Variants in MPDZ observed in about 807,000 individuals in gnomAD.
MPDZ encodes multiple PDZ domain crumbs cell polarity complex component, also known as multiple PDZ domain protein.
In MPDZ, 234 loss-of-function variants were observed where a neutral mutation model predicts 239.1. The observed-to-expected ratio is 0.98, with a 90% CI of 0.88 to 1.09. The LOEUF (loss-of-function observed/expected upper bound fraction) is 1.09. Among genes scored for constraint, MPDZ ranks in the 50% least tolerant of loss-of-function variants. MPDZ has a pLI of 0.00. For synonymous variants in MPDZ, 1,048 were observed against 881.3 expected (o/e 1.19, Z -3.35); for missense variants, 3,175 against 2,510.0 (o/e 1.26, Z -5.66).
chr9:13,278,467 G>A (rs1050065595), intron 1 of MPDZ, among the ~76,000 whole-genome samples: 1 of 152,124 alleles, frequency 6.6e-6, no homozygotes, highest in African/African-American at 2.4e-5. Context: ...TGATTTCCAT[G>A]TGACTGCAGG....
intron 5 of MPDZ, 34 bp from the exon 6 acceptor site, chr9:13,222,480 C>A: frequency 6.5e-7 from 1 of 1,527,480 alleles, no homozygotes; most frequent in Non-Finnish European, 9.1e-7. Flanking sequence ...AAAAGACAAT[C>A]TGAGAGTTCT....
intron 32 of MPDZ, among the ~76,000 whole-genome samples, chr9:13,132,163 T>C (rs563329661): frequency 2.6e-5 from 4 of 152,262 alleles, no homozygotes; most frequent in East Asian, 3.9e-4. Context: ...GTACACATAA[T>C]AGACATCTGC....
At chr9:13,249,570 C>A (rs1042751394) in intron 2 of MPDZ, among the ~76,000 whole-genome samples, 1 of 152,102 alleles carries the variant, frequency 6.6e-6, no homozygotes, top group African/African-American at 2.4e-5. Context: ...TCAAAACCCA[C>A]CGACATCAAG....
chr9:13,174,281 A>G (rs190855654), intron 21 of MPDZ, among the ~76,000 whole-genome samples: 11 of 152,228 alleles, frequency 7.2e-5, no homozygotes, highest in Admixed American at 2.6e-4. Context: ...TTAAATGTCA[A>G]TTAGCTTACT....
At position 13,112,975 on chromosome 9, in the gene MPDZ, C is replaced by T. The variant is rs368364908; in HGVS notation, c.5601+36G>A. ...ACACATATGAAGATGTCTCTTAAAA[C>T]GCCAGGGTTTATATTGTTTTCTCTC... On this transcript the variant is annotated intron_variant, in intron 42 of 46. Transcript: ENST00000319217. 152 of 1,549,236 alleles carry T rather than the reference C, an allele frequency of 9.8e-5. 1 individual carries two copies. The South Asian group carries it at 1.1e-3, about 12-fold the overall frequency.
At chr9:13,207,400 C>T (rs79916569) in intron 10 of MPDZ, among the ~76,000 whole-genome samples, 1,883 of 152,246 alleles carry the variant, frequency 0.012, 26 homozygotes, top group Middle Eastern at 0.051. Context: ...ATGATGCTGT[C>T]CATTACTCTC....
At chr9:13,202,088 TG>T (rs1048624449) in intron 12 of MPDZ, among the ~76,000 whole-genome samples, 7 of 152,172 alleles carry the variant, frequency 4.6e-5, no homozygotes, top group Non-Finnish European at 1.0e-4. Context: ...TTCCAGTTTT[TG>T]CAAGTGCTCT....
intron 24 of MPDZ, among the ~76,000 whole-genome samples, 166 bp downstream of exon 24, chr9:13,157,852 C>A (rs1050556997): frequency 1.3e-5 from 2 of 152,130 alleles, no homozygotes; most frequent in Non-Finnish European, 2.9e-5. Flanking sequence ...GTGTGATACA[C>A]ATTATTCTCT....
At chr9:13,110,606 T>C in intron 44 of MPDZ, 30 bp downstream of exon 44, 1 of 1,530,580 alleles carries the variant, frequency 6.5e-7, no homozygotes, top group Non-Finnish European at 9.0e-7. Context: ...CTACCTATAT[T>C]CTGAATTATG....
chr9:13,199,614 T>A (rs966527766), intron 12 of MPDZ, among the ~76,000 whole-genome samples: 3 of 152,008 alleles, frequency 2.0e-5, no homozygotes, highest in Non-Finnish European at 4.4e-5. Flanking sequence ...CTTTTCTCTG[T>A]TCGGTATATT....
intron 3 of MPDZ, among the ~76,000 whole-genome samples, chr9:13,243,782 T>A (rs1380574537): frequency 6.6e-6 from 1 of 152,104 alleles, no homozygotes; most frequent in Non-Finnish European, 1.5e-5. Context: ...CGCATCTAGA[T>A]GATATATGTG....
At chr9:13,193,557 A>C (rs1270474975) in intron 13 of MPDZ, among the ~76,000 whole-genome samples, 1 of 152,130 alleles carries the variant, frequency 6.6e-6, no homozygotes, top group Non-Finnish European at 1.5e-5. Flanking sequence ...CATAGGTCTC[A>C]TCTGTTTCTC....
At position 13,109,035 on chromosome 9, in the gene MPDZ, T is replaced by C. The variant is rs1941966007; in HGVS notation, c.5967A>G (p.Thr1989=). The change falls in exon 46 of 47, where the codon ACA becomes ACG. Residue 1989 remains threonine (T), a synonymous_variant. Coordinates refer to ENST00000319217, the MANE Select transcript of MPDZ (RefSeq NM_001378778.1). Reference sequence around the variant, plus strand: ...CTAAGCCATCTGGTCCTCGCTCTAGTGTAATAGACTTACATTGAGGAGGTC... The same window carrying C: ...CTAAGCCATCTGGTCCTCGCTCTAGCGTAATAGACTTACATTGAGGAGGTC... The part of the protein sequence containing the change: ...DLGPPQCKSI[T]LERGPDGLGF... 1.9e-6 allele frequency: 3 copies of C among 1,554,614 alleles called. No individual in the cohort carries two copies. Among genetic ancestry groups the C allele is most frequent in the Non-Finnish European group, 2.6e-6 (3 of 1,147,406 alleles).
rs146599586 is a variant in MPDZ at position 13,216,372 on chromosome 9, A to G, written c.1290+402T>C. Among the ~76,000 whole-genome samples, 706 of 150,516 alleles carry G rather than the reference A, an allele frequency of 4.7e-3. 5 individuals are homozygous for G. The highest frequency in any genetic ancestry group is 0.015 in the African/African-American group (627 of 41,102). On this transcript the variant is annotated intron_variant, in intron 10 of 46. Coordinates refer to ENST00000319217, the MANE Select transcript of MPDZ (RefSeq NM_001378778.1). Reference sequence around the variant, plus strand: ...CCATAAAGCCAACAATAACAGTATCATTCTGCTGATTAAAAAAAAAAAAAC... The same window carrying G: ...CCATAAAGCCAACAATAACAGTATCGTTCTGCTGATTAAAAAAAAAAAAAC...
Position 13,223,630 on chromosome 9 carries a change from T to G in MPDZ, c.474A>C (p.Glu158Asp). 1 of 1,612,576 alleles carries G rather than the reference T, an allele frequency of 6.2e-7. No individual in the cohort carries two copies. The highest frequency in any genetic ancestry group is 8.5e-7 in the Non-Finnish European group (1 of 1,179,092). Residue 158 changes from glutamate to aspartate, a missense_variant, in exon 5 of 47, where the codon GAA becomes GAC. Glu to Asp is a conservative substitution (Grantham distance 45). Transcript: ENST00000319217. ...LGFSVVGLRSENRGELGIFVQ... is the reference protein window; with the variant it reads ...LGFSVVGLRSDNRGELGIFVQ... ...CAAATATTCCCAGCTCTCCTCTGTTTTCACTTCTTAGTCCCACAACACTAA... is the reference window on the plus strand; with the variant it reads ...CAAATATTCCCAGCTCTCCTCTGTTGTCACTTCTTAGTCCCACAACACTAA...
In MPDZ at chr9:13,176,426, T is replaced by C. The variant is rs963807818; in HGVS notation, c.2650-9A>G. 6.5e-7 allele frequency: 1 copy of C among 1,526,898 alleles called. No individual in the cohort carries two copies. The highest frequency in any genetic ancestry group is 1.4e-5 in the African/African-American group (1 of 72,514). 94.6% of individuals were successfully genotyped at this position (1,526,898 alleles called of 1,614,324 possible). ...GAATTTTCAATAACATCCTGGTAGT[T>C]AAAAAACAACAACAACAAAACATGA... On this transcript the variant is annotated splice_polypyrimidine_tract_variant and intron_variant, in intron 19 of 46. Transcript: ENST00000319217.
chr9:13,144,628 G>T (rs1948192887), intron 26 of MPDZ, among the ~76,000 whole-genome samples: 1 of 152,068 alleles, frequency 6.6e-6, no homozygotes, highest in Non-Finnish European at 1.5e-5. Context: ...ACACCACGCT[G>T]TATGAGAGAA....
intron 2 of MPDZ, among the ~76,000 whole-genome samples, chr9:13,248,634 T>C (rs1431828424): frequency 2.0e-5 from 3 of 151,972 alleles, no homozygotes; most frequent in Admixed American, 6.6e-5. Flanking sequence ...GTAACAAGTA[T>C]ATCTATTTAA....
At chr9:13,265,199 A>T (rs1971526256) in intron 1 of MPDZ, among the ~76,000 whole-genome samples, 1 of 152,320 alleles carries the variant, frequency 6.6e-6, no homozygotes, top group East Asian at 1.9e-4. Flanking sequence ...TCTCCAGGGA[A>T]ATTACTTCAG....
Sources: allele counts gnomAD v4.1 joint callset (sites outside exome capture counted in the v4.1 genomes callset), GRCh38; gene constraint gnomAD v4.1.1; transcripts MANE v1.5; gene names NCBI Gene and HGNC (gene_info 2026-07-23, HGNC 2026-07-21).